The following NSUN6 variants were observed in gnomAD, a reference collection of about 807,000 sequenced individuals.
The protein encoded by NSUN6 is tRNA (cytosine(72)-C(5))-methyltransferase NSUN6.
NSUN6 carries 64 observed loss-of-function variants against 58.0 expected under a neutral mutation model. That is an observed-to-expected ratio of 1.10 (90% confidence interval 0.90 to 1.36). The LOEUF is 1.36. NSUN6 is among the 40% of genes most tolerant of loss of function. NSUN6 has a pLI of 0.00. For synonymous variants in NSUN6, 231 were observed against 193.9 expected, an observed-to-expected ratio of 1.19 and a Z score of -1.59; for missense variants, 701 against 550.1, an observed-to-expected ratio of 1.27 and a Z score of -2.74.
In NSUN6 at chr10:18,609,891, A is replaced by C; in HGVS notation, c.611T>G (p.Leu204Arg). The C allele has an allele frequency of 6.2e-7, 1 of 1,605,624 alleles. No homozygotes were observed. Among genetic ancestry groups the C allele is most frequent in the Non-Finnish European group, 8.5e-7 (1 of 1,172,362 alleles). Residue 204 changes from leucine to arginine, a missense_variant, in exon 6 of 11, where the codon CTC (leucine) becomes CGC (arginine). Physicochemically the swap from Leu to Arg is moderately radical, Grantham distance 102. Coordinates refer to ENST00000377304, the MANE Select transcript of NSUN6 (RefSeq NM_182543.5). ...CAGTACACTGTCAAATGAAGGGCTG[A>C]GATATACTGGTTCTGTCATTCTTAT... ...MGIRMTEPVY[L>R]SPSFDSVLPR...
At chr10:18,659,022 GC>G (rs1268459468), upstream of NSUN6, among the ~76,000 whole-genome samples, 2 of 152,210 alleles carry the variant, frequency 1.3e-5, no homozygotes, top group Non-Finnish European at 2.9e-5. Context: ...TCTAAGAGCA[GC>G]AAACGGCGGC....
chr10:18,559,865 T>C (rs188244333), intron 8 of NSUN6, among the ~76,000 whole-genome samples: 45 of 147,470 alleles, frequency 3.1e-4, no homozygotes, highest in South Asian at 2.2e-3. Flanking sequence ...CAGTGGGGAT[T>C]TGAATGCGGA....
At chr10:18,591,088 A>T (rs1296810699) in intron 7 of NSUN6, among the ~76,000 whole-genome samples, 2 of 152,238 alleles carry the variant, frequency 1.3e-5, no homozygotes, top group African/African-American at 2.4e-5. Flanking sequence ...ACAAACTGCC[A>T]TCAGAGAATA....
intron 6 of NSUN6, among the ~76,000 whole-genome samples, chr10:18,603,468 C>CTTTTTTTTTTTTTTTTTTTTTTT (rs1465029374): frequency 6.7e-6 from 1 of 149,610 alleles, no homozygotes. Flanking sequence ...TTTTTCTTTT[C>CTTTTTTTTTTTTTTTTTTTTTTT]TTTTCTTTTC....
chr10:18,616,307 A>G lies in NSUN6; in HGVS notation c.312-14T>C. 1 of 1,520,538 alleles carries G rather than the reference A, an allele frequency of 6.6e-7. No homozygotes were observed. The highest frequency in any genetic ancestry group is 9.1e-7 in the Non-Finnish European group (1 of 1,095,518). The allele number at this position is 1,520,538 out of a possible 1,614,324, so 94.2% of individuals were successfully genotyped here. The stretch of plus-strand genomic sequence containing the variant: ...TTAATATTCTTTCTAGAAATGTAAG[A>G]CACAAGAAGTTTAATAGTAACATAC... On this transcript the variant is annotated splice_polypyrimidine_tract_variant and intron_variant, in intron 3 of 10. Transcript: ENST00000377304.
intron 3 of NSUN6, among the ~76,000 whole-genome samples, chr10:18,620,628 C>T (rs947254716): frequency 4.6e-5 from 7 of 152,178 alleles, no homozygotes; most frequent in South Asian, 2.1e-4. Context: ...AACAGCCCTT[C>T]GGCCTAATTT....
chr10:18,655,264 A>G (rs2059764861), upstream of NSUN6: 2 of 361,348 alleles, frequency 5.5e-6, no homozygotes, highest in Non-Finnish European at 7.7e-6. Context: ...GGCAATCTAT[A>G]TCTTTGACAC....
upstream of NSUN6, chr10:18,653,147 G>C (rs1223255197): frequency 8.1e-6 from 8 of 984,814 alleles, no homozygotes; most frequent in Non-Finnish European, 9.6e-6. Context: ...TAGCGATAAA[G>C]GAGGAGAAAC....
intron 3 of NSUN6, among the ~76,000 whole-genome samples, chr10:18,622,890 G>A (rs945186013): frequency 2.0e-5 from 3 of 152,208 alleles, no homozygotes; most frequent in Non-Finnish European, 4.4e-5. Flanking sequence ...CATTAATTGA[G>A]AGAATACAGA....
chr10:18,582,726 G>T (rs1333261100), intron 8 of NSUN6, among the ~76,000 whole-genome samples: 2 of 152,138 alleles, frequency 1.3e-5, no homozygotes, highest in Non-Finnish European at 2.9e-5. Context: ...AACACAAAGA[G>T]CAGGGAAAGA....
intron 7 of NSUN6, among the ~76,000 whole-genome samples, chr10:18,589,114 T>C (rs1042800860): frequency 1.1e-4 from 17 of 152,096 alleles, no homozygotes; most frequent in African/African-American, 4.1e-4. Context: ...TGAGAACTTC[T>C]TGAAGCATAC....
intron 8 of NSUN6, among the ~76,000 whole-genome samples, chr10:18,552,432 T>C (rs1341827674): frequency 6.6e-6 from 1 of 152,168 alleles, no homozygotes; most frequent in Non-Finnish European, 1.5e-5. Context: ...GGCTATGGTC[T>C]AGAATAGGGA....
At chr10:18,632,141 A>G (rs975689798) in intron 3 of NSUN6, among the ~76,000 whole-genome samples, 4 of 151,958 alleles carry the variant, frequency 2.6e-5, no homozygotes, top group African/African-American at 9.7e-5. Flanking sequence ...CCTGAGAAAA[A>G]CAAGCAATGG....
chr10:18,586,212 T>C (rs1467827330), intron 7 of NSUN6, 119 bp from the exon 8 acceptor site: 1 of 752,612 alleles, frequency 1.3e-6, no homozygotes, highest in East Asian at 2.8e-5. Flanking sequence ...CATACTCCCA[T>C]CCCTAATTTA....
At chr10:18,622,330 G>A (rs2058638765) in intron 3 of NSUN6, among the ~76,000 whole-genome samples, 1 of 152,158 alleles carries the variant, frequency 6.6e-6, no homozygotes, top group South Asian at 2.1e-4. Flanking sequence ...CAGAACCCAA[G>A]CATACTGGCA....
At chr10:18,573,685 T>C (rs1198999331) in intron 8 of NSUN6, among the ~76,000 whole-genome samples, 1 of 152,146 alleles carries the variant, frequency 6.6e-6, no homozygotes, top group African/African-American at 2.4e-5. Context: ...ACACATATTC[T>C]TAACCATCTG....
At chr10:18,630,122 A>G (rs2058973797) in intron 3 of NSUN6, among the ~76,000 whole-genome samples, 1 of 132,598 alleles carries the variant, frequency 7.5e-6, no homozygotes, top group Non-Finnish European at 1.6e-5. Context: ...GCTCAGCTAC[A>G]TGGAAACTGA....
chr10:18,555,237 G>A (rs1331830053), intron 8 of NSUN6, among the ~76,000 whole-genome samples: 2 of 149,720 alleles, frequency 1.3e-5, no homozygotes, highest in African/African-American at 4.9e-5. Flanking sequence ...ATGGAATAGA[G>A]TGGAGAGTAT....
At chr10:18,627,249 G>A (rs2058843142) in intron 3 of NSUN6, among the ~76,000 whole-genome samples, 2 of 152,154 alleles carry the variant, frequency 1.3e-5, no homozygotes, top group Admixed American at 1.3e-4. Context: ...GTAATTCAGT[G>A]ATGCATTACT....
Sources: allele counts gnomAD v4.1 joint callset (sites outside exome capture counted in the v4.1 genomes callset), GRCh38; gene constraint gnomAD v4.1.1; transcripts MANE v1.5; gene names NCBI Gene and HGNC (gene_info 2026-07-23, HGNC 2026-07-21).